The following RALGAPA2 variants were observed in gnomAD, a reference collection of about 807,000 sequenced individuals.
RALGAPA2 encodes the protein ral GTPase-activating protein subunit alpha-2.
RALGAPA2 carries 139 observed loss-of-function variants against 230.4 expected under a neutral mutation model. The observed-to-expected ratio is 0.60, with a 90% CI of 0.53 to 0.69. RALGAPA2 has a LOEUF of 0.69. RALGAPA2 is among the 30% of genes least tolerant of loss of function. The pLI is 0.00. For synonymous variants in RALGAPA2, 847 were observed against 837.8 expected (o/e 1.01, Z -0.19); for missense variants, 2,163 against 2,276.0 (o/e 0.95, Z 1.01).
intron 28 of RALGAPA2, among the ~76,000 whole-genome samples, chr20:20,525,902 C>T (rs1237542292): frequency 3.3e-5 from 5 of 152,202 alleles, no homozygotes; most frequent in African/African-American, 4.8e-5. Context: ...AGCTGCCCCC[C>T]TCCACCCCTC....
At chr20:20,397,877 T>C (rs2059750523) in intron 38 of RALGAPA2, among the ~76,000 whole-genome samples, 1 of 152,218 alleles carries the variant, frequency 6.6e-6, no homozygotes, top group Non-Finnish European at 1.5e-5. Context: ...GATCAGTAAC[T>C]GATCGTGGGT....
chr20:20,501,403 AG>A (rs1174204429), intron 35 of RALGAPA2, among the ~76,000 whole-genome samples: 1 of 152,222 alleles, frequency 6.6e-6, no homozygotes, highest in African/African-American at 2.4e-5. Context: ...CATTTTATGA[AG>A]ACAGCTTCTT....
rs199554995 is a variant in RALGAPA2, at chr20:20,543,932, T to TA, written c.3285+2771dup. Among the ~76,000 whole-genome samples, 1,141 of 149,408 alleles carry TA rather than the reference T, an allele frequency of 7.6e-3. 12 individuals are homozygous for TA. The highest frequency in any genetic ancestry group is 0.027 in the African/African-American group (1,085 of 40,766). ...AATTAAAAAATAAAACTGTATATGG[T>TA]AAAAAAAAGAAAAAACAAACAAACA... On this transcript the variant is annotated intron_variant, in intron 24 of 39. Coordinates refer to ENST00000202677, the MANE Select transcript of RALGAPA2 (RefSeq NM_020343.4).
intron 31 of RALGAPA2, among the ~76,000 whole-genome samples, chr20:20,519,081 C>T (rs955510589): frequency 6.6e-6 from 1 of 152,150 alleles, no homozygotes; most frequent in Non-Finnish European, 1.5e-5. Context: ...ACCACCAACA[C>T]AACTCAAAAC....
At chr20:20,586,125 A>G (rs892442502) in intron 18 of RALGAPA2, among the ~76,000 whole-genome samples, 12 of 152,312 alleles carry the variant, frequency 7.9e-5, no homozygotes, top group African/African-American at 2.9e-4. Context: ...GCTTCTAACT[A>G]TATGAGAGAC....
At chr20:20,525,199 T>A (rs1170751153) in intron 28 of RALGAPA2, among the ~76,000 whole-genome samples, 4 of 152,196 alleles carry the variant, frequency 2.6e-5, no homozygotes, top group African/African-American at 9.7e-5. Context: ...GTTTTCATAG[T>A]GAAGTAAAAA....
At chr20:20,418,075 G>A (rs2060202466) in intron 37 of RALGAPA2, among the ~76,000 whole-genome samples, 2 of 152,302 alleles carry the variant, frequency 1.3e-5, no homozygotes, top group Middle Eastern at 3.4e-3. Flanking sequence ...CCACAATACT[G>A]TAAAGAAGGT....
chr20:20,421,417 T>G (rs578216129), intron 37 of RALGAPA2, among the ~76,000 whole-genome samples: 66 of 152,256 alleles, frequency 4.3e-4, no homozygotes, highest in African/African-American at 1.5e-3. Context: ...ACGCCTGTAA[T>G]CCCAGCACTT....
intron 23 of RALGAPA2, 39 bp from the exon 24 acceptor site, chr20:20,546,871 C>T (rs1431781400): frequency 6.5e-7 from 1 of 1,533,392 alleles, no homozygotes; most frequent in African/African-American, 1.4e-5. Flanking sequence ...TCGTAATGTT[C>T]AAACACAAAA....
chr20:20,538,685 A>G (rs1344234320), intron 24 of RALGAPA2, among the ~76,000 whole-genome samples: 1 of 152,178 alleles, frequency 6.6e-6, no homozygotes, highest in Non-Finnish European at 1.5e-5. Context: ...GACTTTTTGA[A>G]ATGCTTGTCC....
chr20:20,693,761 G>A (rs1453412343), intron 1 of RALGAPA2, among the ~76,000 whole-genome samples: 1 of 152,068 alleles, frequency 6.6e-6, no homozygotes, highest in African/African-American at 2.4e-5. Flanking sequence ...GCCAAGACTC[G>A]AACCCAGACA....
intron 23 of RALGAPA2, among the ~76,000 whole-genome samples, chr20:20,554,207 T>C (rs13339921): frequency 0.011 from 1,717 of 152,342 alleles, 36 homozygotes; most frequent in African/African-American, 0.039. Context: ...TCTGTCTCCA[T>C]GAATCTGCCT....
At chr20:20,694,752 C>T (rs1032630854) in intron 1 of RALGAPA2, among the ~76,000 whole-genome samples, 3 of 152,064 alleles carry the variant, frequency 2.0e-5, no homozygotes, top group Non-Finnish European at 4.4e-5. Context: ...TCATGTAAAA[C>T]CGTGTTTGTG....
intron 38 of RALGAPA2, 65 bp from the exon 39 acceptor site, chr20:20,396,799 A>T (rs2059729376): frequency 7.5e-7 from 1 of 1,332,824 alleles, no homozygotes; most frequent in Non-Finnish European, 1.1e-6. Flanking sequence ...CCAACTTGAT[A>T]ACTAACACAG....
intron 38 of RALGAPA2, among the ~76,000 whole-genome samples, chr20:20,397,822 T>C (rs536455813): frequency 2.6e-5 from 4 of 152,308 alleles, no homozygotes; most frequent in South Asian, 2.1e-4. Context: ...TTGATGAAAA[T>C]TGTCCCTTTC....
intron 1 of RALGAPA2, among the ~76,000 whole-genome samples, chr20:20,684,056 T>C (rs1328742826): frequency 6.6e-6 from 1 of 152,194 alleles, no homozygotes; most frequent in Non-Finnish European, 1.5e-5. Context: ...TCTCTGACTC[T>C]CCCTGGTTGC....
chr20:20,621,490 GTCCTTCT>G (rs1462305933), intron 10 of RALGAPA2, among the ~76,000 whole-genome samples: 1 of 143,690 alleles, frequency 7.0e-6, no homozygotes, highest in Non-Finnish European at 1.5e-5. Flanking sequence ...CTTTGCTTTT[GTCCTTCT>G]TCCTTTCCCT....
intron 39 of RALGAPA2, among the ~76,000 whole-genome samples, chr20:20,396,321 G>A (rs748720797): frequency 6.6e-6 from 1 of 152,262 alleles, no homozygotes; most frequent in East Asian, 1.9e-4. Context: ...AGCACGTGCC[G>A]TGTCTTATCG....
rs78295837 is a variant in RALGAPA2 at position 20,604,696 on chromosome 20, T to G, written c.2038+479A>C. Among the ~76,000 whole-genome samples the G allele has an allele frequency of 8.5e-3, 1,293 of 152,262 alleles. 15 individuals carry two copies. The highest frequency in any genetic ancestry group is 0.03 in the African/African-American group (1,230 of 41,528). On this transcript the variant is annotated intron_variant, in intron 15 of 39. Transcript: ENST00000202677. ...GATTTTTTTTTTTTTTGCAATTTCT[T>G]TTTTTGTTTTAGCTCATCAGCTATC...
Sources: gnomAD v4.1 joint callset for allele counts (sites outside exome capture counted in the v4.1 genomes callset) on GRCh38, gnomAD v4.1.1 for gene constraint, MANE v1.5 for transcripts, NCBI Gene and HGNC (gene_info 2026-07-23, HGNC 2026-07-21) for gene names.